ATF6: variants seen among roughly 807,000 people sequenced by gnomAD.
ATF6 encodes the protein cyclic AMP-dependent transcription factor ATF-6 alpha.
A neutral mutation model predicts 83.6 loss-of-function variants in ATF6; 53 were observed. That is an observed-to-expected ratio of 0.63 (90% CI 0.51 to 0.80). The LOEUF (loss-of-function observed/expected upper bound fraction) is 0.80. Among genes scored for constraint, ATF6 ranks in the 30% least tolerant of loss-of-function variants. The pLI, the probability that ATF6 is intolerant of heterozygous loss-of-function variation, is 0.00. For synonymous variants in ATF6, 288 were observed against 285.8 expected (o/e 1.01, Z -0.08); for missense variants, 744 against 797.9 (o/e 0.93, Z 0.81).
intron 14 of ATF6, among the ~76,000 whole-genome samples, chr1:161,878,626 A>G (rs1181339517): frequency 6.6e-6 from 1 of 152,128 alleles, no homozygotes; most frequent in Non-Finnish European, 1.5e-5. Flanking sequence ...TAGATTTTGA[A>G]TTGGAGAAGG....
intron 12 of ATF6, among the ~76,000 whole-genome samples, chr1:161,859,167 A>G (rs919602051): frequency 6.6e-6 from 1 of 152,168 alleles, no homozygotes; most frequent in Non-Finnish European, 1.5e-5. Flanking sequence ...TTGAACACCT[A>G]CAATATACAA....
intron 14 of ATF6, among the ~76,000 whole-genome samples, chr1:161,879,761 CT>C (rs899424117): frequency 4.7e-5 from 7 of 149,574 alleles, no homozygotes; most frequent in East Asian, 3.9e-4. Flanking sequence ...TTTGAAATTT[CT>C]TTTTTTTTTA....
At chr1:161,843,998 G>A (rs543058845) in intron 9 of ATF6, among the ~76,000 whole-genome samples, 29 of 152,288 alleles carry the variant, frequency 1.9e-4, no homozygotes, top group African/African-American at 6.3e-4. Flanking sequence ...AGAAGCAAAA[G>A]TAATGGTTCA....
chr1:161,883,988 A>G (rs1327884067), intron 14 of ATF6, among the ~76,000 whole-genome samples: 2 of 152,082 alleles, frequency 1.3e-5, no homozygotes, highest in Non-Finnish European at 2.9e-5. Flanking sequence ...TCATTAAAAT[A>G]TGTATGTATA....
At chr1:161,938,782 G>T (rs900185792) in intron 15 of ATF6, among the ~76,000 whole-genome samples, 1 of 152,270 alleles carries the variant, frequency 6.6e-6, no homozygotes, top group South Asian at 2.1e-4. Context: ...TTTAAAGAGA[G>T]AATTACTCCT....
chr1:161,947,980 A>C (rs1688786783), intron 15 of ATF6, among the ~76,000 whole-genome samples: 1 of 151,854 alleles, frequency 6.6e-6, no homozygotes, highest in South Asian at 2.1e-4. Context: ...GTGCGCCACC[A>C]CATCTGGCTA....
intron 9 of ATF6, among the ~76,000 whole-genome samples, chr1:161,843,324 A>G (rs900021811): frequency 5.3e-5 from 8 of 152,200 alleles, no homozygotes; most frequent in Non-Finnish European, 1.2e-4. Flanking sequence ...ACAAAATGAC[A>G]TTGCATGAAC....
chr1:161,773,393 G>T (rs1684440982), intron 1 of ATF6, among the ~76,000 whole-genome samples: 1 of 151,758 alleles, frequency 6.6e-6, no homozygotes, highest in African/African-American at 2.4e-5. Context: ...TGCCCACCTT[G>T]GCCTCCCAAA....
chr1:161,897,123 A>G (rs1489454515), intron 14 of ATF6, among the ~76,000 whole-genome samples: 1 of 152,098 alleles, frequency 6.6e-6, no homozygotes, highest in Non-Finnish European at 1.5e-5. Context: ...GGACTATAAT[A>G]TTTTTACTGA....
rs1310647246 is a variant in ATF6 at position 161,800,891 on chromosome 1, G to A, written c.689-1161G>A. Among the ~76,000 whole-genome samples the A allele has an allele frequency of 2.0e-5, 3 of 152,140 alleles. No homozygotes were observed. In the South Asian group the frequency reaches 6.2e-4, roughly 31 times the overall value. On this transcript the variant is annotated intron_variant, in intron 6 of 15. Transcript: ENST00000367942. ...TCTTTTTGATTTTGTAAACTGACATGATTTCTTTTTCTGTTATGACTGTAT... is the reference window on the plus strand; with the variant it reads ...TCTTTTTGATTTTGTAAACTGACATAATTTCTTTTTCTGTTATGACTGTAT...
intron 9 of ATF6, among the ~76,000 whole-genome samples, chr1:161,836,429 T>C (rs964129601): frequency 2.1e-4 from 32 of 152,346 alleles, no homozygotes; most frequent in African/African-American, 7.2e-4. Context: ...CTAAAAGTAC[T>C]TTCCACATTT....
intron 9 of ATF6, among the ~76,000 whole-genome samples, chr1:161,823,359 A>T (rs1685810062): frequency 6.6e-6 from 1 of 152,112 alleles, no homozygotes; most frequent in African/African-American, 2.4e-5. Context: ...GCTCAAATAC[A>T]TCAGTTTTAG....
At chr1:161,773,158 C>T (rs1420296203) in intron 1 of ATF6, among the ~76,000 whole-genome samples, 1 of 114,852 alleles carries the variant, frequency 8.7e-6, no homozygotes, top group Admixed American at 1.2e-4. Context: ...TTTTTTGAGA[C>T]GGAGTCTCTC....
At chr1:161,838,120 T>C (rs1686268290) in intron 9 of ATF6, among the ~76,000 whole-genome samples, 1 of 152,216 alleles carries the variant, frequency 6.6e-6, no homozygotes, top group Non-Finnish European at 1.5e-5. Flanking sequence ...TTGGCTGTGA[T>C]AGGGGAAAGT....
At chr1:161,872,700 T>G (rs150828837) in intron 14 of ATF6, among the ~76,000 whole-genome samples, 37 of 151,726 alleles carry the variant, frequency 2.4e-4, no homozygotes, top group Non-Finnish European at 4.6e-4. Flanking sequence ...ATTTGTCTTG[T>G]GTAAACATTA....
intron 1 of ATF6, among the ~76,000 whole-genome samples, chr1:161,775,836 G>A (rs1047085283): frequency 2.6e-5 from 4 of 151,820 alleles, no homozygotes; most frequent in African/African-American, 9.7e-5. Context: ...ATTGCTACTG[G>A]GATGTCATTG....
chr1:161,791,877 A>G (rs750475086), intron 5 of ATF6, among the ~76,000 whole-genome samples: 2 of 152,212 alleles, frequency 1.3e-5, no homozygotes, highest in Non-Finnish European at 2.9e-5. Context: ...GATTTTAGCA[A>G]TTCTCCTTTA....
intron 15 of ATF6, among the ~76,000 whole-genome samples, chr1:161,932,028 A>G (rs1395153405): frequency 6.6e-6 from 1 of 152,150 alleles, no homozygotes; most frequent in Non-Finnish European, 1.5e-5. Context: ...ATAGGAACCA[A>G]CATTTTTTTT....
At position 161,826,931 on chromosome 1, in the gene ATF6, A is replaced by ATTTTT. The variant is rs11376981; in HGVS notation, c.1187+5784_1187+5788dup. 3.9e-5 allele frequency among the ~76,000 whole-genome samples: 5 copies of ATTTTT among 129,612 alleles called. No individual in the cohort carries two copies. The South Asian group carries it at 7.4e-4, about 19-fold the overall frequency. 85.0% of individuals were successfully genotyped at this position (129,612 alleles called of 152,430 possible). A position where few individuals can be genotyped will look rare whatever the true frequency, so the allele number is the denominator to read the frequency against. ...TCAAAAGAATTTTTTGATTGGCCCC[A>ATTTTT]TTTTTTTTTTTTTTTTTTGAGATGG... On this transcript the variant is annotated intron_variant, in intron 9 of 15. Coordinates refer to ENST00000367942, the MANE Select transcript of ATF6 (RefSeq NM_007348.4).
Sources: allele counts gnomAD v4.1 joint callset (sites outside exome capture counted in the v4.1 genomes callset), GRCh38; gene constraint gnomAD v4.1.1; transcripts MANE v1.5; gene names NCBI Gene and HGNC (gene_info 2026-07-23, HGNC 2026-07-21).